The following CCDC178 variants were observed in gnomAD, a reference collection of about 807,000 sequenced individuals.
CCDC178 encodes the protein coiled-coil domain containing 178.
In CCDC178, 126 loss-of-function variants were observed where a neutral mutation model predicts 117.4. That is an observed-to-expected ratio of 1.07 (90% confidence interval 0.93 to 1.24). CCDC178 has a LOEUF of 1.24. Among genes scored for constraint, CCDC178 ranks in the 50% most tolerant of loss-of-function variants. CCDC178 has a pLI of 0.00. For synonymous variants in CCDC178, 283 were observed against 313.4 expected (o/e 0.90, Z 1.02); for missense variants, 1,030 against 986.9 (o/e 1.04, Z -0.59).
At chr18:33,222,954 G>T (rs925756310) in intron 18 of CCDC178, 152 bp downstream of exon 18, 3 of 561,044 alleles carry the variant, frequency 5.3e-6, no homozygotes, top group Non-Finnish European at 9.4e-6. Flanking sequence ...AGGACTGTGT[G>T]TGTGTGAGTG....
intron 21 of CCDC178, among the ~76,000 whole-genome samples, chr18:33,081,497 C>G (rs1313085771): frequency 1.3e-5 from 2 of 152,138 alleles, no homozygotes; most frequent in Non-Finnish European, 2.9e-5. Context: ...ATATTAGAAT[C>G]AAAAGATTGC....
chr18:33,340,342 C>A (rs540411205), intron 9 of CCDC178, among the ~76,000 whole-genome samples: 2 of 152,196 alleles, frequency 1.3e-5, no homozygotes, highest in Admixed American at 1.3e-4. Context: ...TAAAAGCATT[C>A]CATTTTAAAA....
intron 5 of CCDC178, among the ~76,000 whole-genome samples, chr18:33,386,777 A>C (rs1315566947): frequency 6.6e-6 from 1 of 152,142 alleles, no homozygotes; most frequent in Non-Finnish European, 1.5e-5. Flanking sequence ...ATGGGCAAAA[A>C]CAGGAAGCAT....
At chr18:33,146,893 G>A (rs2058274413) in intron 20 of CCDC178, among the ~76,000 whole-genome samples, 3 of 152,128 alleles carry the variant, frequency 2.0e-5, no homozygotes, top group African/African-American at 4.8e-5. Context: ...TTAAGACTCA[G>A]TCTGAAAAAA....
intron 21 of CCDC178, among the ~76,000 whole-genome samples, chr18:33,009,442 C>A (rs768886639): frequency 7.2e-5 from 11 of 152,176 alleles, no homozygotes; most frequent in Admixed American, 2.0e-4. Context: ...CCCGGTGTTA[C>A]CTTTATTCTT....
At chr18:33,119,554 T>C (rs1044129920) in intron 20 of CCDC178, among the ~76,000 whole-genome samples, 7 of 152,062 alleles carry the variant, frequency 4.6e-5, no homozygotes, top group Non-Finnish European at 1.0e-4. Context: ...GGAGAGGATG[T>C]GGAGAAATAG....
chr18:33,283,457 G>A (rs1426706743), intron 12 of CCDC178, among the ~76,000 whole-genome samples: 1 of 152,120 alleles, frequency 6.6e-6, no homozygotes, highest in Non-Finnish European at 1.5e-5. Flanking sequence ...GCAAGAGAAA[G>A]TATCAACAGA....
intron 20 of CCDC178, among the ~76,000 whole-genome samples, chr18:33,157,421 T>A (rs1375839804): frequency 6.6e-6 from 1 of 152,192 alleles, no homozygotes; most frequent in African/African-American, 2.4e-5. Flanking sequence ...TAACCCTTCT[T>A]TTAAATGAAC....
intron 21 of CCDC178, among the ~76,000 whole-genome samples, chr18:33,086,443 CACAT>C (rs1436725681): frequency 3.3e-5 from 5 of 150,514 alleles, no homozygotes; most frequent in Middle Eastern, 3.5e-3. Context: ...CACACACACA[CACAT>C]ATATATATAT....
chr18:33,346,122 A>T, intron 9 of CCDC178, 89 bp downstream of exon 9: 2 of 1,004,822 alleles, frequency 2.0e-6, no homozygotes, highest in Admixed American at 5.0e-5. Flanking sequence ...CATGGCACTA[A>T]GACAATTTTT....
intron 20 of CCDC178, among the ~76,000 whole-genome samples, chr18:33,139,498 T>G (rs2058171202): frequency 6.6e-6 from 1 of 152,036 alleles, no homozygotes; most frequent in Non-Finnish European, 1.5e-5. Flanking sequence ...TGGTCTCAGG[T>G]GGAGATGAGG....
chr18:33,438,741 G>A (rs780480360), intron 2 of CCDC178, among the ~76,000 whole-genome samples: 3 of 152,038 alleles, frequency 2.0e-5, no homozygotes, highest in Non-Finnish European at 2.9e-5. Flanking sequence ...CAAATTCTTC[G>A]TCTACTTTAA....
In CCDC178 at chr18:33,087,043, C is replaced by T. The variant is rs906374448; in HGVS notation, c.2388+5718G>A. Among the ~76,000 whole-genome samples, 32 of 151,628 alleles carry T rather than the reference C, an allele frequency of 2.1e-4. No homozygotes were observed. In the East Asian group the frequency reaches 3.7e-3, roughly 17 times the overall value. On this transcript the variant is annotated intron_variant, in intron 21 of 22. Transcript: ENST00000383096. ...AAATAGCCATTGGTTGACACACACA[C>T]ACACACACACACACGAAAATTTTAT... is the stretch of plus-strand genomic sequence containing the variant.
chr18:33,195,500 A>G lies in CCDC178; in HGVS notation c.2238+16396T>C, dbSNP rs1337113597. 2.0e-5 allele frequency among the ~76,000 whole-genome samples: 3 copies of G among 152,212 alleles called. No individual in the cohort carries two copies. The East Asian group carries it at 5.8e-4, about 30-fold the overall frequency. On this transcript the variant is annotated intron_variant, in intron 20 of 22. Transcript: ENST00000383096. ...TACGAACCTTAAGCTCAACACACAC[A>G]TAACTTCATTCTGCAGCTCTTTTCT...
chr18:33,074,673 G>C (rs757356272), intron 21 of CCDC178, among the ~76,000 whole-genome samples: 2 of 152,188 alleles, frequency 1.3e-5, no homozygotes, highest in Non-Finnish European at 2.9e-5. Context: ...CTAAGGGAGA[G>C]TGCTTCAGGA....
At chr18:33,291,770 G>A (rs1006925452) in intron 12 of CCDC178, among the ~76,000 whole-genome samples, 2 of 151,972 alleles carry the variant, frequency 1.3e-5, no homozygotes, top group African/African-American at 4.8e-5. Context: ...CAGGGAATGC[G>A]GCAGCCTCTG....
chr18:33,239,170 C>G (rs2059458187), intron 15 of CCDC178, among the ~76,000 whole-genome samples: 1 of 151,834 alleles, frequency 6.6e-6, no homozygotes, highest in South Asian at 2.1e-4. Flanking sequence ...GGAAAACATG[C>G]AAAACTATAA....
rs1245341110 is a variant in CCDC178, at chr18:33,440,023, T to C, written c.-84A>G. 2 of 152,134 alleles carry C rather than the reference T, an allele frequency of 1.3e-5. No homozygotes were observed. Among genetic ancestry groups the C allele is most frequent in the Admixed American group, 6.5e-5 (1 of 15,276 alleles). 9.4% of individuals were successfully genotyped at this position (152,134 alleles called of 1,614,324 possible). A position where few individuals can be genotyped will look rare whatever the true frequency, so the allele number is the denominator to read the frequency against. ...TGGGGTGCTTTCGAGCAAGCAAGTA[T>C]AAAATTCTCAGCCTCTCCGCCAGGA... On this transcript the variant is annotated 5_prime_UTR_variant, in exon 2 of 23. Coordinates refer to ENST00000383096, the MANE Select transcript of CCDC178 (RefSeq NM_001105528.4).
intron 21 of CCDC178, among the ~76,000 whole-genome samples, chr18:33,017,343 A>C (rs1484419221): frequency 6.6e-6 from 1 of 151,926 alleles, no homozygotes; most frequent in East Asian, 1.9e-4. Context: ...TTCCAACAAA[A>C]TAGCATCAAA....
Sources: allele counts gnomAD v4.1 joint callset (sites outside exome capture counted in the v4.1 genomes callset), GRCh38; gene constraint gnomAD v4.1.1; transcripts MANE v1.5; gene names NCBI Gene and HGNC (gene_info 2026-07-23, HGNC 2026-07-21).